Variants in MBTPS1 observed in about 807,000 individuals in gnomAD.
The protein encoded by MBTPS1 is membrane-bound transcription factor site-1 protease.
MBTPS1 carries 94 observed loss-of-function variants against 127.8 expected under a neutral mutation model. The observed-to-expected ratio is 0.74, with a 90% CI of 0.62 to 0.87. The LOEUF is 0.87. Among genes scored for constraint, MBTPS1 ranks in the 40% least tolerant of loss-of-function variants. MBTPS1 has a pLI of 0.00. For synonymous variants in MBTPS1, 632 were observed against 509.4 expected, an observed-to-expected ratio of 1.24 and a Z score of -3.24; for missense variants, 1,636 against 1,353.2, an observed-to-expected ratio of 1.21 and a Z score of -3.28.
At chr16:84,079,963 G>T (rs920736399) in intron 11 of MBTPS1, among the ~76,000 whole-genome samples, 2 of 152,212 alleles carry the variant, frequency 1.3e-5, no homozygotes, top group Admixed American at 1.3e-4. Context: ...CTTTAGAAGA[G>T]GCCATCAGCA....
intron 2 of MBTPS1, among the ~76,000 whole-genome samples, chr16:84,100,690 G>A (rs1354195622): frequency 1.3e-5 from 2 of 152,118 alleles, no homozygotes; most frequent in Non-Finnish European, 2.9e-5. Context: ...TGGCACCACT[G>A]CACTCCAGCC....
chr16:84,073,952 GC>G (rs1263858430), intron 12 of MBTPS1, among the ~76,000 whole-genome samples: 1 of 152,130 alleles, frequency 6.6e-6, no homozygotes, highest in Non-Finnish European at 1.5e-5. Flanking sequence ...GTTGCAGTGA[GC>G]CAAGATCATG....
At chr16:84,100,728 C>T (rs1384516815) in intron 2 of MBTPS1, among the ~76,000 whole-genome samples, 1 of 151,626 alleles carries the variant, frequency 6.6e-6, no homozygotes, top group East Asian at 1.9e-4. Context: ...ACTCTGTCTC[C>T]AAAAGAAAAA....
intron 2 of MBTPS1, among the ~76,000 whole-genome samples, chr16:84,100,415 A>G (rs989984568): frequency 6.6e-6 from 1 of 152,120 alleles, no homozygotes; most frequent in African/African-American, 2.4e-5. Flanking sequence ...ATGGTGGCAC[A>G]TGCCTGTAAT....
Position 84,090,938 on chromosome 16 carries a change from C to T in MBTPS1, c.968G>A (p.Trp323Ter). The T allele has an allele frequency of 1.2e-6, 2 of 1,608,888 alleles. No homozygotes were observed. Among genetic ancestry groups the T allele is most frequent in the Non-Finnish European group, 1.7e-6 (2 of 1,175,980 alleles). The change falls in exon 8 of 23, where the codon TGG (tryptophan) becomes TAG (stop). Residue 323 changes from tryptophan (W) to a stop codon, truncating the protein, a stop_gained. Transcript: ENST00000343411. LOFTEE classifies it high-confidence loss of function. The stretch of plus-strand genomic sequence containing the variant: ...GATTACATTGTTAGCTGTTAATTCC[C>T]ACACCTACAAAAGGAGCATTTATTT... ...FMDHPFVDKV[W>*]ELTANNVIMV...
intron 1 of MBTPS1, among the ~76,000 whole-genome samples, chr16:84,116,139 G>C (rs1287238943): frequency 6.6e-6 from 1 of 152,258 alleles, no homozygotes; most frequent in Non-Finnish European, 1.5e-5. Flanking sequence ...AACTTAATTT[G>C]TGTAGACAAA....
chr16:84,082,814 T>C (rs2151157090), intron 10 of MBTPS1, among the ~76,000 whole-genome samples: 1 of 152,276 alleles, frequency 6.6e-6, no homozygotes, highest in South Asian at 2.1e-4. Context: ...GTCAACAATC[T>C]TCCTCCTCTT....
At position 84,074,585 on chromosome 16, in the gene MBTPS1, G is replaced by A. The variant is rs755462476; in HGVS notation, c.1593+12C>T. On this transcript the variant is annotated intron_variant, in intron 12 of 22. Coordinates refer to ENST00000343411, the MANE Select transcript of MBTPS1 (RefSeq NM_003791.4). ...CCATCAAGTCAGAGACCAAGTCAGA[G>A]AGAAGTTTCACCTTATCTACAATTC... 3.1e-6 allele frequency: 5 copies of A among 1,612,480 alleles called. No homozygotes were observed. In the South Asian group the frequency reaches 5.5e-5, roughly 18 times the overall value.
In MBTPS1 at chr16:84,085,581, CAAA is replaced by C. The variant is rs71148876; in HGVS notation, c.1135-450_1135-448del. 1.2e-4 allele frequency among the ~76,000 whole-genome samples: 13 copies of C among 108,550 alleles called. No individual in the cohort carries two copies. In the East Asian group the frequency reaches 3.0e-3, roughly 25 times the overall value. 71.2% of individuals were successfully genotyped at this position (108,550 alleles called of 152,430 possible). ...CTCAGCCCCGCACCCGCCCCCCCCC[CAAA>C]AAAAAAGAGAAAAAAACAAAGAAAT... is the stretch of plus-strand genomic sequence containing the variant. On this transcript the variant is annotated intron_variant, in intron 9 of 22. Coordinates refer to ENST00000343411, the MANE Select transcript of MBTPS1 (RefSeq NM_003791.4).
At chr16:84,098,967 C>A in intron 3 of MBTPS1, 86 bp downstream of exon 3, 1 of 1,260,300 alleles carries the variant, frequency 7.9e-7, no homozygotes, top group South Asian at 1.3e-5. Context: ...TGCGGATACT[C>A]ACTGTACTAT....
In MBTPS1 at chr16:84,087,381, A is replaced by G; in HGVS notation, c.1111T>C (p.Ser371Pro). The G allele has an allele frequency of 6.2e-7, 1 of 1,613,692 alleles. No homozygotes were observed. ...ACCCAGGTAGTCATTCCCCTTGAAG[A>G]AAAGCGGGCGATGTTATCTTCAAAG... ...IDFEDNIARF[S>P]SRGMTTWELP... The change falls in exon 9 of 23, where the codon TCT becomes CCT. Residue 371 changes from serine (S) to proline (P), a missense_variant. Ser to Pro is a moderately conservative substitution (Grantham distance 74). Coordinates refer to ENST00000343411, the MANE Select transcript of MBTPS1 (RefSeq NM_003791.4).
intron 12 of MBTPS1, among the ~76,000 whole-genome samples, chr16:84,074,056 G>A (rs1402457531): frequency 6.6e-6 from 1 of 152,054 alleles, no homozygotes; most frequent in Admixed American, 6.6e-5. Context: ...AATTATAGGC[G>A]CAAAATTGTA....
At chr16:84,097,502 C>T (rs1458535604) in intron 3 of MBTPS1, among the ~76,000 whole-genome samples, 2 of 152,156 alleles carry the variant, frequency 1.3e-5, no homozygotes. Context: ...GTCAGGCACC[C>T]GGAACACACG....
intron 3 of MBTPS1, among the ~76,000 whole-genome samples, chr16:84,097,837 C>CGTGTGTGTGTGTGTGTGTGTGT (rs71382894): frequency 2.8e-5 from 4 of 143,130 alleles, no homozygotes; most frequent in African/African-American, 7.7e-5. Context: ...AACTTCTCTT[C>CGTGTGTGTGTGTGTGTGTGTGT]GTGTGTGTGT....
intron 12 of MBTPS1, among the ~76,000 whole-genome samples, chr16:84,071,223 G>T (rs780436733): frequency 7.2e-5 from 11 of 152,208 alleles, no homozygotes; most frequent in Non-Finnish European, 1.3e-4. Context: ...TCTGAAGCTG[G>T]AAAGAGGTGG....
Position 84,069,944 on chromosome 16 carries a change from T to C in MBTPS1, c.1877A>G (p.Asp626Gly). 6.2e-7 allele frequency: 1 copy of C among 1,614,108 alleles called. No homozygotes were observed. Among genetic ancestry groups the C allele is most frequent in the Non-Finnish European group, 8.5e-7 (1 of 1,179,976 alleles). ...TPPRSKRVLW[D>G]QYHNLRYPPG... is the part of the protein sequence containing the mutation. ...TGGATAGCGGAGGTTGTGGTACTGATCCCAGAGAACTCTCTTGCTTCGCGG... is the reference window on the plus strand; with the variant it reads ...TGGATAGCGGAGGTTGTGGTACTGACCCCAGAGAACTCTCTTGCTTCGCGG... Residue 626 changes from aspartate to glycine, a missense_variant, in exon 14 of 23, where the codon GAT becomes GGT. By Grantham distance (94) the Asp-to-Gly change is moderately conservative. Coordinates refer to ENST00000343411, the MANE Select transcript of MBTPS1 (RefSeq NM_003791.4).
intron 8 of MBTPS1, 99 bp downstream of exon 8, chr16:84,090,776 T>A: frequency 3.4e-6 from 3 of 869,892 alleles, no homozygotes; most frequent in Non-Finnish European, 5.7e-6. Flanking sequence ...TAGACAGACA[T>A]AAACAAGTAA....
intron 10 of MBTPS1, among the ~76,000 whole-genome samples, chr16:84,083,627 A>G (rs1334535556): frequency 6.6e-6 from 1 of 152,176 alleles, no homozygotes; most frequent in African/African-American, 2.4e-5. Flanking sequence ...TAACAAAATA[A>G]TATCTGGCAT....
At chr16:84,113,974 T>C (rs1299161433) in intron 1 of MBTPS1, among the ~76,000 whole-genome samples, 2 of 144,548 alleles carry the variant, frequency 1.4e-5, no homozygotes, top group African/African-American at 5.2e-5. Context: ...TTTTTTTTTT[T>C]TCTTTTTTTG....
Sources: gnomAD v4.1 joint callset for allele counts (sites outside exome capture counted in the v4.1 genomes callset) on GRCh38, gnomAD v4.1.1 for gene constraint, MANE v1.5 for transcripts, NCBI Gene and HGNC (gene_info 2026-07-23, HGNC 2026-07-21) for gene names.